The following FRZB variants were observed in gnomAD, a reference collection of about 807,000 sequenced individuals.
FRZB encodes frizzled related protein, also known as secreted frizzled-related protein 3.
In FRZB, 34 loss-of-function variants were observed where a neutral mutation model predicts 32.5. The ratio of observed to expected loss-of-function variants is 1.05; its 90% CI spans 0.80 to 1.39. The LOEUF (loss-of-function observed/expected upper bound fraction) is 1.39, where lower values mean the gene tolerates loss of function less well. Ranked by LOEUF, FRZB falls within the 40% of genes most tolerant of loss-of-function variation. The pLI, the probability that FRZB is intolerant of heterozygous loss-of-function variation, is 0.00. For synonymous variants in FRZB, 170 were observed against 159.2 expected (o/e 1.07, Z -0.51); for missense variants, 423 against 424.8 (o/e 1.00, Z 0.04).
At chr2:182,843,186 A>T (rs1159383807) in intron 2 of FRZB, among the ~76,000 whole-genome samples, 1 of 152,200 alleles carries the variant, frequency 6.6e-6, no homozygotes, top group Admixed American at 6.5e-5. Context: ...TTCATTTTTT[A>T]ACAATATTTG....
At chr2:182,855,965 T>C (rs1420539915) in intron 2 of FRZB, among the ~76,000 whole-genome samples, 1 of 152,088 alleles carries the variant, frequency 6.6e-6, no homozygotes, top group Non-Finnish European at 1.5e-5. Context: ...ATGAGAAACA[T>C]TGAAGCCAGA....
At chr2:182,843,179 A>T (rs146220184) in intron 2 of FRZB, among the ~76,000 whole-genome samples, 1 of 152,254 alleles carries the variant, frequency 6.6e-6, no homozygotes, top group Non-Finnish European at 1.5e-5. Context: ...GAGAAATTTC[A>T]TTTTTTAACA....
intron 2 of FRZB, among the ~76,000 whole-genome samples, chr2:182,847,444 T>G (rs79908577): frequency 0.052 from 7,894 of 152,252 alleles, 267 homozygotes; most frequent in Non-Finnish European, 0.075. Context: ...TAGTCCTCTG[T>G]GTCAAATGAC....
At chr2:182,841,595 G>A (rs1695586633) in intron 3 of FRZB, among the ~76,000 whole-genome samples, 1 of 152,008 alleles carries the variant, frequency 6.6e-6, no homozygotes, top group African/African-American at 2.4e-5. Flanking sequence ...AAATCAAAAT[G>A]CATATGGAAT....
chr2:182,848,706 A>C (rs1695674740), intron 2 of FRZB, among the ~76,000 whole-genome samples: 1 of 152,218 alleles, frequency 6.6e-6, no homozygotes, highest in Non-Finnish European at 1.5e-5. Flanking sequence ...TATTGGTATT[A>C]TGCTCATACA....
intron 2 of FRZB, among the ~76,000 whole-genome samples, chr2:182,850,480 T>C (rs1482023869): frequency 6.6e-6 from 1 of 152,204 alleles, no homozygotes; most frequent in African/African-American, 2.4e-5. Flanking sequence ...GAACGTGTGA[T>C]ATTGGTCTTT....
intron 5 of FRZB, among the ~76,000 whole-genome samples, chr2:182,836,091 T>C (rs1268075388): frequency 1.3e-5 from 2 of 152,112 alleles, no homozygotes; most frequent in Non-Finnish European, 2.9e-5. Flanking sequence ...CTCCACAATC[T>C]TGTCTTCATA....
rs1334827601 is a variant in FRZB, at chr2:182,858,993, C to T, written c.479-160G>A. On this transcript the variant is annotated intron_variant, in intron 1 of 5. Coordinates refer to ENST00000295113, the MANE Select transcript of FRZB (RefSeq NM_001463.4). ...TCATGAGGTCGGCATTCTTATCATT[C>T]ATGGGTTGAGTATGGATGAGACTTA... 5.3e-5 allele frequency among the ~76,000 whole-genome samples: 8 copies of T among 152,156 alleles called. No individual in the cohort carries two copies. In the East Asian group the frequency reaches 1.5e-3, roughly 29 times the overall value.
intron 2 of FRZB, among the ~76,000 whole-genome samples, chr2:182,844,635 A>G (rs1025215363): frequency 1.3e-5 from 2 of 152,230 alleles, no homozygotes; most frequent in Non-Finnish European, 2.9e-5. Flanking sequence ...CTGTCACTGA[A>G]TTGAGTCTAA....
chr2:182,865,891 GT>G (rs988405767), intron 1 of FRZB, among the ~76,000 whole-genome samples, 183 bp downstream of exon 1: 1 of 152,086 alleles, frequency 6.6e-6, no homozygotes, highest in Non-Finnish European at 1.5e-5. Flanking sequence ...TAAGGTGAGG[GT>G]TTTTTTGTTT....
At chr2:182,850,418 C>T (rs940315537) in intron 2 of FRZB, among the ~76,000 whole-genome samples, 1 of 152,182 alleles carries the variant, frequency 6.6e-6, no homozygotes, top group Non-Finnish European at 1.5e-5. Flanking sequence ...AATCTACTCT[C>T]CAGCTCCATG....
At chr2:182,839,442 C>T (rs1005228284) in intron 3 of FRZB, among the ~76,000 whole-genome samples, 4 of 152,066 alleles carry the variant, frequency 2.6e-5, no homozygotes, top group Non-Finnish European at 5.9e-5. Context: ...TCCTTTCCCT[C>T]ACGTGCTATG....
chr2:182,844,593 C>T (rs1695620914), intron 2 of FRZB, among the ~76,000 whole-genome samples: 1 of 152,064 alleles, frequency 6.6e-6, no homozygotes, highest in African/African-American at 2.4e-5. Flanking sequence ...TGCATGTGCT[C>T]AAATAAAAAA....
In FRZB at chr2:182,833,794, G is replaced by A. The variant is rs1395084016; in HGVS notation, c.*1055C>T. On this transcript the variant is annotated 3_prime_UTR_variant, in exon 6 of 6. Coordinates refer to ENST00000295113, the MANE Select transcript of FRZB (RefSeq NM_001463.4). ...CAGGCCTGTATTTTAATCCACCTTG[G>A]GTGTGAGTGCAAGGACACACATGTA... The A allele has an allele frequency of 6.6e-6, 1 of 151,832 alleles. No homozygotes were observed. The highest frequency in any genetic ancestry group is 1.9e-4 in the East Asian group (1 of 5,164). 9.4% of individuals were successfully genotyped at this position (151,832 alleles called of 1,614,324 possible).
intron 2 of FRZB, among the ~76,000 whole-genome samples, chr2:182,857,247 G>T (rs1489639042): frequency 6.6e-6 from 1 of 152,086 alleles, no homozygotes; most frequent in East Asian, 1.9e-4. Context: ...TTGAACTGAA[G>T]AAAAATGAAA....
chr2:182,845,303 C>T (rs1002778183), intron 2 of FRZB, among the ~76,000 whole-genome samples: 4 of 152,134 alleles, frequency 2.6e-5, no homozygotes, highest in African/African-American at 9.7e-5. Flanking sequence ...TCAGATGTAA[C>T]AGTTTATTTT....
intron 3 of FRZB, among the ~76,000 whole-genome samples, chr2:182,838,831 T>G (rs899250711): frequency 9.2e-5 from 14 of 152,042 alleles, no homozygotes; most frequent in African/African-American, 3.1e-4. Context: ...CTTTCCAATT[T>G]GTGGCTGTGT....
intron 2 of FRZB, among the ~76,000 whole-genome samples, chr2:182,843,059 GTGAA>G (rs1468027561): frequency 1.3e-5 from 2 of 152,150 alleles, no homozygotes; most frequent in Non-Finnish European, 2.9e-5. Context: ...AGTGAACTTG[GTGAA>G]GTTCTTAAGA....
Position 182,833,682 on chromosome 2 carries a change from T to G in FRZB, c.*1167A>C, listed in dbSNP as rs1170416265. The G allele has an allele frequency of 6.6e-6, 1 of 152,102 alleles. No homozygotes were observed. The highest frequency in any genetic ancestry group is 1.5e-5 in the Non-Finnish European group (1 of 68,028). 9.4% of individuals were successfully genotyped at this position (152,102 alleles called of 1,614,324 possible). On this transcript the variant is annotated 3_prime_UTR_variant, in exon 6 of 6. Transcript: ENST00000295113. ...GGTTCAAAAGTCGAAATAACCTCTC[T>G]CCTGACAACCATAATTCATTTTACT... is the stretch of plus-strand genomic sequence containing the variant.
Sources: gnomAD v4.1 joint callset for allele counts (sites outside exome capture counted in the v4.1 genomes callset) on GRCh38, gnomAD v4.1.1 for gene constraint, MANE v1.5 for transcripts, NCBI Gene and HGNC (gene_info 2026-07-23, HGNC 2026-07-21) for gene names.